The following TASP1 variants were observed in gnomAD, a reference collection of about 807,000 sequenced individuals.
TASP1 encodes the protein threonine aspartase 1.
TASP1 carries 16 observed loss-of-function variants against 56.6 expected under a neutral mutation model. The observed-to-expected ratio is 0.28, with a 90% CI of 0.19 to 0.43. TASP1 has a LOEUF of 0.43. Ranked by LOEUF, TASP1 falls within the 20% of genes least tolerant of loss-of-function variation. The pLI, the probability that TASP1 is intolerant of heterozygous loss-of-function variation, is 1.00. For missense variants in TASP1, 393 were observed against 511.6 expected (o/e 0.77, Z 2.24); for synonymous variants, 179 against 184.2 (o/e 0.97, Z 0.23).
chr20:13,487,277 T>A (rs1157969301), intron 10 of TASP1, among the ~76,000 whole-genome samples: 1 of 152,132 alleles, frequency 6.6e-6, no homozygotes, highest in African/African-American at 2.4e-5. Flanking sequence ...AGGCCCAGCG[T>A]ACACAGCAGT....
the TASP1 span, among the ~76,000 whole-genome samples, chr20:13,121,959 T>C: frequency 8.2e-4 from 125 of 152,358 alleles, 2 homozygotes; most frequent in South Asian, 0.011. Context: ...GTTGGGGACA[T>C]TGGGAAGAGC....
At chr20:13,279,440 G>GTTCCATC in the TASP1 span, among the ~76,000 whole-genome samples, 1 of 152,154 alleles carries the variant, frequency 6.6e-6, no homozygotes, top group Non-Finnish European at 1.5e-5. Context: ...CCAAAGCCAT[G>GTTCCATC]TTCCATCTAG....
intron 13 of TASP1, chr20:13,393,660 G>A: frequency 7.7e-7 from 1 of 1,304,550 alleles, no homozygotes. Context: ...GGCCCACATG[G>A]CCTCCAAGGA....
At chr20:13,339,077 T>C in the TASP1 span, among the ~76,000 whole-genome samples, 1 of 152,194 alleles carries the variant, frequency 6.6e-6, no homozygotes, top group Non-Finnish European at 1.5e-5. Flanking sequence ...ATTAAAGGGA[T>C]TGATCACACA....
Position 13,527,165 on chromosome 20 carries a change from G to C in TASP1, c.874+1268C>G, listed in dbSNP as rs187981166. ...AGAATCTATGAAGAAGGCCAAGATG[G>C]AACAGGTCAGAGAGGCAGACAAACC... is the stretch of plus-strand genomic sequence containing the variant. On this transcript the variant is annotated intron_variant, in intron 10 of 13. Transcript: ENST00000337743. 1.2e-3 allele frequency among the ~76,000 whole-genome samples: 190 copies of C among 152,218 alleles called. 1 individual carries two copies. The highest frequency in any genetic ancestry group is 0.011 in the Admixed American group (170 of 15,262).
chr20:13,592,397 CA>C (rs34379997), intron 4 of TASP1, among the ~76,000 whole-genome samples: 205 of 138,260 alleles, frequency 1.5e-3, no homozygotes, highest in Middle Eastern at 3.7e-3. Flanking sequence ...AACACTGTCT[CA>C]AAAAAAAAAA....
At chr20:13,294,146 TAA>T in the TASP1 span, among the ~76,000 whole-genome samples, 312 of 152,328 alleles carry the variant, frequency 2.0e-3, no homozygotes, top group African/African-American at 7.1e-3. Flanking sequence ...TCTGGGTTTC[TAA>T]GAGAGGCCTG....
rs765530122 is a variant in TASP1 at position 13,637,350 on chromosome 20, C to G, written c.-75+1544G>C. 5.3e-4 allele frequency among the ~76,000 whole-genome samples: 81 copies of G among 152,310 alleles called. 2 individuals are homozygous for G. The highest frequency in any genetic ancestry group is 3.4e-3 in the Middle Eastern group (1 of 294). ...TTTGGCACTCACTCAAAAAGTTAAA[C>G]ATAGAGTTACCATATGCCCACCAAT... On this transcript the variant is annotated intron_variant, in intron 1 of 13. Transcript: ENST00000337743.
At chr20:13,187,152 A>T in the TASP1 span, among the ~76,000 whole-genome samples, 3 of 152,186 alleles carry the variant, frequency 2.0e-5, no homozygotes, top group African/African-American at 7.2e-5. Flanking sequence ...GCGCTTGGAG[A>T]TAAGTTAACA....
chr20:13,573,632 A>G (rs1002705684), intron 6 of TASP1, among the ~76,000 whole-genome samples: 7 of 152,200 alleles, frequency 4.6e-5, no homozygotes, highest in Admixed American at 1.3e-4. Context: ...TCTAATTTCT[A>G]TTATAATCTA....
intron 13 of TASP1, among the ~76,000 whole-genome samples, chr20:13,391,739 G>A (rs6079037): frequency 0.62 from 93,815 of 151,560 alleles, 29,432 homozygotes; most frequent in Non-Finnish European, 0.68. Context: ...AGGCCGAGGC[G>A]GGCAGATCAC....
chr20:13,478,752 T>C (rs1162640021), intron 11 of TASP1, among the ~76,000 whole-genome samples: 1 of 152,108 alleles, frequency 6.6e-6, no homozygotes, highest in Admixed American at 6.6e-5. Flanking sequence ...TAATTGTAAA[T>C]GTATGTTCCA....
chr20:13,619,377 T>G (rs1294553462), intron 4 of TASP1, among the ~76,000 whole-genome samples: 1 of 152,192 alleles, frequency 6.6e-6, no homozygotes, highest in African/African-American at 2.4e-5. Flanking sequence ...ATTTCACCTA[T>G]TATTACTCAT....
the TASP1 span, among the ~76,000 whole-genome samples, chr20:13,158,775 T>A: frequency 6.6e-6 from 1 of 152,206 alleles, no homozygotes; most frequent in Non-Finnish European, 1.5e-5. Flanking sequence ...TCTCCATTGC[T>A]TCATCTGATA....
At chr20:13,169,972 C>G in the TASP1 span, among the ~76,000 whole-genome samples, 20 of 152,288 alleles carry the variant, frequency 1.3e-4, no homozygotes, top group South Asian at 6.2e-4. Context: ...ACAAAGGCAT[C>G]AAAAGGAGTC....
chr20:13,442,880 C>T (rs1052145201), intron 11 of TASP1, among the ~76,000 whole-genome samples: 1 of 152,042 alleles, frequency 6.6e-6, no homozygotes, highest in African/African-American at 2.4e-5. Flanking sequence ...GCCGGAAAAA[C>T]ACTAACACAG....
In TASP1 at chr20:13,462,813, T is replaced by A. The variant is rs147995656; in HGVS notation, c.985+20414A>T. On this transcript the variant is annotated intron_variant, in intron 11 of 13. Coordinates refer to ENST00000337743, the MANE Select transcript of TASP1 (RefSeq NM_017714.3). Reference sequence around the variant, plus strand: ...AGAATAAAATACTTGTAAATAAACTTAACCAAAAAGGCAAAACACTTGTAC... The same window carrying A: ...AGAATAAAATACTTGTAAATAAACTAAACCAAAAAGGCAAAACACTTGTAC... Among the ~76,000 whole-genome samples, 407 of 152,202 alleles carry A rather than the reference T, an allele frequency of 2.7e-3. 1 individual carries two copies. The highest frequency in any genetic ancestry group is 4.4e-3 in the Non-Finnish European group (301 of 68,006).
intron 10 of TASP1, among the ~76,000 whole-genome samples, chr20:13,520,436 T>A (rs958071952): frequency 6.6e-6 from 1 of 152,042 alleles, no homozygotes; most frequent in Non-Finnish European, 1.5e-5. Flanking sequence ...TATAGACCAA[T>A]GGAACAGAAC....
the TASP1 span, among the ~76,000 whole-genome samples, chr20:13,212,002 G>A: frequency 2.0e-4 from 30 of 152,238 alleles, no homozygotes; most frequent in African/African-American, 7.2e-4. Context: ...ATGACACTAC[G>A]ATCTTCATTC....
Sources: gnomAD v4.1 joint callset for allele counts (sites outside exome capture counted in the v4.1 genomes callset) on GRCh38, gnomAD v4.1.1 for gene constraint, MANE v1.5 for transcripts, NCBI Gene and HGNC (gene_info 2026-07-23, HGNC 2026-07-21) for gene names.